Variants in PAX7 observed in about 807,000 individuals in gnomAD.
PAX7 encodes the protein paired box 7.
Under a neutral mutation model 50.7 loss-of-function variants are expected in PAX7, and 18 were observed. The ratio of observed to expected loss-of-function variants is 0.36; its 90% CI spans 0.25 to 0.53. The LOEUF (loss-of-function observed/expected upper bound fraction) is 0.53. PAX7 is among the 20% of genes least tolerant of loss of function. The pLI is 0.93. For synonymous variants in PAX7, 310 were observed against 290.4 expected (o/e 1.07, Z -0.69); for missense variants, 644 against 702.9 (o/e 0.92, Z 0.95).
chr1:18,742,282 C>T (rs543518924), intron 8 of PAX7, among the ~76,000 whole-genome samples: 323 of 151,744 alleles, frequency 2.1e-3, no homozygotes, highest in African/African-American at 7.4e-3. Context: ...CTCAGCATCC[C>T]GAGTAGCTGG....
chr1:18,663,733 T>C (rs1307087918), intron 4 of PAX7, among the ~76,000 whole-genome samples: 1 of 152,212 alleles, frequency 6.6e-6, no homozygotes, highest in African/African-American at 2.4e-5. Flanking sequence ...CTAGGATAAT[T>C]TGGGGTACGT....
At chr1:18,671,994 A>T (rs61562967) in intron 4 of PAX7, among the ~76,000 whole-genome samples, 17,639 of 151,932 alleles carry the variant, frequency 0.12, 1,204 homozygotes, top group East Asian at 0.27. Flanking sequence ...AAAAAAAGTA[A>T]ATAAATAACT....
At chr1:18,731,180 T>A (rs1172472399) in intron 7 of PAX7, among the ~76,000 whole-genome samples, 1 of 152,186 alleles carries the variant, frequency 6.6e-6, no homozygotes, top group East Asian at 1.9e-4. Context: ...AGACCTGAAC[T>A]TCCTCAAGTT....
chr1:18,738,076 T>C (rs190785286), intron 8 of PAX7, among the ~76,000 whole-genome samples: 2 of 152,298 alleles, frequency 1.3e-5, no homozygotes, highest in East Asian at 3.9e-4. Context: ...GTCATAGGTG[T>C]GGCTGTGTGT....
At chr1:18,687,301 G>A (rs1290251304) in intron 4 of PAX7, among the ~76,000 whole-genome samples, 1 of 152,058 alleles carries the variant, frequency 6.6e-6, no homozygotes, top group Non-Finnish European at 1.5e-5. Flanking sequence ...CTGAGAAGGG[G>A]AGCGACTTGT....
At chr1:18,631,745 T>C (rs982700316) in intron 1 of PAX7, 57 bp downstream of exon 1, 10 of 1,417,386 alleles carry the variant, frequency 7.1e-6, no homozygotes, top group Non-Finnish European at 8.9e-6. Context: ...TCGGGGTCCT[T>C]GGAGAGGCTG....
chr1:18,737,334 C>G (rs1022397271), intron 8 of PAX7, among the ~76,000 whole-genome samples: 5 of 152,256 alleles, frequency 3.3e-5, no homozygotes, highest in African/African-American at 1.2e-4. Context: ...TGCCCACCCC[C>G]CCAAACCCAC....
intron 5 of PAX7, among the ~76,000 whole-genome samples, chr1:18,696,549 G>A (rs2089152624): frequency 6.6e-6 from 1 of 152,160 alleles, no homozygotes; most frequent in South Asian, 2.1e-4. Flanking sequence ...TATACACAGT[G>A]GAGTACTATT....
At chr1:18,702,298 C>T (rs1326788840) in intron 6 of PAX7, among the ~76,000 whole-genome samples, 2 of 152,046 alleles carry the variant, frequency 1.3e-5, no homozygotes, top group East Asian at 3.9e-4. Context: ...CAGATCGCGC[C>T]ACTGCACTCC....
intron 7 of PAX7, among the ~76,000 whole-genome samples, chr1:18,715,298 C>T (rs2089404773): frequency 1.3e-5 from 2 of 152,152 alleles, no homozygotes; most frequent in Non-Finnish European, 2.9e-5. Flanking sequence ...GTGCAGTTAC[C>T]ACATTTTATC....
chr1:18,718,930 G>A (rs1249664333), intron 7 of PAX7, among the ~76,000 whole-genome samples: 1 of 152,116 alleles, frequency 6.6e-6, no homozygotes, highest in Non-Finnish European at 1.5e-5. Flanking sequence ...ATGAGCCACG[G>A]CACCCAGCCG....
chr1:18,712,776 G>A (rs2089370808), intron 7 of PAX7, among the ~76,000 whole-genome samples: 1 of 152,170 alleles, frequency 6.6e-6, no homozygotes, highest in African/African-American at 2.4e-5. Flanking sequence ...GTGGGTGGAG[G>A]GTGGCCTTCA....
At chr1:18,742,642 A>T (rs1931211875) in intron 8 of PAX7, among the ~76,000 whole-genome samples, 1 of 152,172 alleles carries the variant, frequency 6.6e-6, no homozygotes, top group African/African-American at 2.4e-5. Flanking sequence ...CTGCTCTACC[A>T]ACTGGGAGCC....
chr1:18,692,071 G>A (rs1226722313), intron 5 of PAX7, 118 bp downstream of exon 5: 9 of 838,962 alleles, frequency 1.1e-5, no homozygotes, highest in Non-Finnish European at 1.7e-5. Flanking sequence ...CAGGTTCAGG[G>A]GGTTGTGTAG....
chr1:18,645,513 TG>T (rs1274929756), intron 4 of PAX7, among the ~76,000 whole-genome samples: 2 of 152,038 alleles, frequency 1.3e-5, no homozygotes, highest in Admixed American at 6.5e-5. Context: ...CGGCCGGCCG[TG>T]GGTTCTCTAC....
intron 4 of PAX7, among the ~76,000 whole-genome samples, chr1:18,691,152 A>G (rs997734621): frequency 6.6e-6 from 1 of 151,806 alleles, no homozygotes; most frequent in African/African-American, 2.4e-5. Flanking sequence ...TAATTTTCTT[A>G]CTTTTTTCTG....
chr1:18,684,321 A>G (rs906719723), intron 4 of PAX7, among the ~76,000 whole-genome samples: 3 of 152,186 alleles, frequency 2.0e-5, no homozygotes, highest in Non-Finnish European at 4.4e-5. Context: ...CTGGCTGGGT[A>G]TGGTGCCCAA....
chr1:18,648,383 C>T (rs1174913494), intron 4 of PAX7, among the ~76,000 whole-genome samples: 2 of 149,942 alleles, frequency 1.3e-5, no homozygotes, highest in African/African-American at 4.9e-5. Context: ...GCTCTGTCAC[C>T]CAGGCTGGAA....
At chr1:18,641,958 C>CA (rs1280760384) in intron 4 of PAX7, among the ~76,000 whole-genome samples, 2 of 151,434 alleles carry the variant, frequency 1.3e-5, no homozygotes, top group African/African-American at 4.9e-5. Flanking sequence ...TAACCTCCCC[C>CA]CCCCCAACTC....
Sources: gnomAD v4.1 joint callset for allele counts (sites outside exome capture counted in the v4.1 genomes callset) on GRCh38, gnomAD v4.1.1 for gene constraint, MANE v1.5 for transcripts, NCBI Gene and HGNC (gene_info 2026-07-23, HGNC 2026-07-21) for gene names.